The following RBFOX1 variants were observed in gnomAD, a reference collection of about 807,000 sequenced individuals.
The protein encoded by RBFOX1 is RNA binding fox-1 homolog 1, also known as RNA binding protein fox-1 homolog 1.
Under a neutral mutation model 57.7 loss-of-function variants are expected in RBFOX1, and 8 were observed. The observed-to-expected ratio is 0.14, with a 90% CI of 0.08 to 0.25. The LOEUF (loss-of-function observed/expected upper bound fraction) is 0.25, where lower values mean the gene tolerates loss of function less well. Among genes scored for constraint, RBFOX1 ranks in the 10% least tolerant of loss-of-function variants. The pLI is 1.00. For missense variants in RBFOX1, 611 were observed against 548.5 expected (o/e 1.11, Z -1.14); for synonymous variants, 326 against 222.4 (o/e 1.47, Z -4.15).
At chr16:7,043,844 A>G (rs1032754493) in intron 3 of RBFOX1, among the ~76,000 whole-genome samples, 1 of 152,086 alleles carries the variant, frequency 6.6e-6, no homozygotes, top group Non-Finnish European at 1.5e-5. Context: ...CCATAATCTC[A>G]CTGAGCTTTC....
At chr16:6,818,391 A>G (rs1203667743) in intron 3 of RBFOX1, among the ~76,000 whole-genome samples, 1 of 152,166 alleles carries the variant, frequency 6.6e-6, no homozygotes, top group African/African-American at 2.4e-5. Context: ...AGTTTAGAAG[A>G]AATGAACTTC....
intron 2 of RBFOX1, among the ~76,000 whole-genome samples, chr16:6,524,274 C>G (rs1289265284): frequency 2.0e-5 from 3 of 152,162 alleles, no homozygotes; most frequent in Non-Finnish European, 4.4e-5. Flanking sequence ...ACTTATTTCA[C>G]TTAACACAAT....
Position 7,516,202 on chromosome 16 carries a change from G to A in RBFOX1, c.28-1945G>A, listed in dbSNP as rs184026742. Among the ~76,000 whole-genome samples, 111 of 152,188 alleles carry A rather than the reference G, an allele frequency of 7.3e-4. 1 individual carries two copies. Among genetic ancestry groups the A allele is most frequent in the East Asian group, 2.1e-3 (11 of 5,178 alleles). The stretch of plus-strand genomic sequence containing the variant: ...GATGTTTTTACAGCTGCCCATCACC[G>A]TGGAAAGAGAACTTCTTCCCCAAAA... On this transcript the variant is annotated intron_variant, in intron 4 of 15. Coordinates refer to ENST00000550418, the MANE Select transcript of RBFOX1 (RefSeq NM_018723.4).
intron 4 of RBFOX1, among the ~76,000 whole-genome samples, chr16:7,113,195 C>G (rs767458945): frequency 3.3e-5 from 5 of 152,144 alleles, no homozygotes; most frequent in African/African-American, 9.7e-5. Context: ...ATACATTGAG[C>G]TTTCTGAGGA....
intron 4 of RBFOX1, among the ~76,000 whole-genome samples, chr16:5,928,857 C>G (rs1057313206): frequency 6.6e-6 from 1 of 151,914 alleles, no homozygotes; most frequent in Non-Finnish European, 1.5e-5. Flanking sequence ...TTTTCAATTA[C>G]AAAAGCCTGT....
chr16:5,911,575 C>T (rs2058602947), intron 4 of RBFOX1, among the ~76,000 whole-genome samples: 1 of 152,204 alleles, frequency 6.6e-6, no homozygotes, highest in Non-Finnish European at 1.5e-5. Flanking sequence ...AATCCCATTT[C>T]TAGCTTCTGA....
At chr16:5,537,038 C>T (rs2044727957) in intron 2 of RBFOX1, among the ~76,000 whole-genome samples, 1 of 152,190 alleles carries the variant, frequency 6.6e-6, no homozygotes, top group African/African-American at 2.4e-5. Flanking sequence ...ACAGGTTTCC[C>T]ACTTCCTTTT....
chr16:6,451,771 C>A (rs1186485100), intron 2 of RBFOX1, among the ~76,000 whole-genome samples: 1 of 152,174 alleles, frequency 6.6e-6, no homozygotes, highest in Non-Finnish European at 1.5e-5. Context: ...ACTTTTGGCC[C>A]TGTGCTGCTC....
chr16:6,659,931 C>A (rs1412959693), intron 3 of RBFOX1, among the ~76,000 whole-genome samples: 2 of 152,024 alleles, frequency 1.3e-5, no homozygotes, highest in Non-Finnish European at 2.9e-5. Flanking sequence ...GAAATTATTG[C>A]TTAAAGAGTA....
chr16:7,296,022 G>T (rs1420356512), intron 4 of RBFOX1, among the ~76,000 whole-genome samples: 1 of 151,814 alleles, frequency 6.6e-6, no homozygotes, highest in African/African-American at 2.4e-5. Flanking sequence ...TAGTCTCCTC[G>T]TGATAGCTAA....
At chr16:6,077,700 A>ATTTG (rs1294945323) in intron 1 of RBFOX1, among the ~76,000 whole-genome samples, 34 of 150,962 alleles carry the variant, frequency 2.3e-4, no homozygotes, top group Admixed American at 2.2e-3. Context: ...TTATTTATTT[A>ATTTG]TTTATTTATT....
intron 4 of RBFOX1, among the ~76,000 whole-genome samples, chr16:7,405,583 A>G (rs1316071017): frequency 6.6e-6 from 1 of 152,160 alleles, no homozygotes; most frequent in East Asian, 1.9e-4. Flanking sequence ...CACATTTCAA[A>G]TAAACACATT....
chr16:6,488,634 T>C (rs951069459), intron 2 of RBFOX1, among the ~76,000 whole-genome samples: 3 of 152,206 alleles, frequency 2.0e-5, no homozygotes, highest in Admixed American at 1.3e-4. Context: ...AGTTTATTAA[T>C]CTGAGTTTAG....
At position 7,231,768 on chromosome 16, in the gene RBFOX1, A is replaced by G. The variant is rs533737531; in HGVS notation, c.27+179670A>G. 3.9e-5 allele frequency among the ~76,000 whole-genome samples: 6 copies of G among 152,346 alleles called. No homozygotes were observed. In the South Asian group the frequency reaches 8.3e-4, roughly 21 times the overall value. On this transcript the variant is annotated intron_variant, in intron 4 of 15. Transcript: ENST00000550418. ...CATGCTACAACGTGGATGGACCTCAAAAACACTGTGGTAAGTAAAAGAACC... is the reference window on the plus strand; with the variant it reads ...CATGCTACAACGTGGATGGACCTCAGAAACACTGTGGTAAGTAAAAGAACC...
At chr16:5,717,716 A>G (rs531961239) in intron 3 of RBFOX1, among the ~76,000 whole-genome samples, 24 of 152,304 alleles carry the variant, frequency 1.6e-4, no homozygotes, top group African/African-American at 5.3e-4. Context: ...ACTCTCTCTA[A>G]TAATTGGGAG....
At chr16:5,617,884 T>C (rs1354146416) in intron 3 of RBFOX1, among the ~76,000 whole-genome samples, 1 of 152,172 alleles carries the variant, frequency 6.6e-6, no homozygotes, top group African/African-American at 2.4e-5. Context: ...ATCTGTGACA[T>C]TATGAAAGGT....
At chr16:7,345,713 A>G (rs1187632274) in intron 4 of RBFOX1, among the ~76,000 whole-genome samples, 1 of 152,222 alleles carries the variant, frequency 6.6e-6, no homozygotes, top group Non-Finnish European at 1.5e-5. Flanking sequence ...GCCTTTCATT[A>G]CTGAGGATAA....
chr16:6,012,728 G>C (rs375575331), intron 4 of RBFOX1, among the ~76,000 whole-genome samples: 1 of 152,192 alleles, frequency 6.6e-6, no homozygotes, highest in Non-Finnish European at 1.5e-5. Context: ...GATGTTACTG[G>C]TCCTTTATTC....
At chr16:5,730,634 A>T (rs1041345220) in intron 3 of RBFOX1, among the ~76,000 whole-genome samples, 3 of 152,138 alleles carry the variant, frequency 2.0e-5, no homozygotes, top group Admixed American at 1.3e-4. Flanking sequence ...CACCATCATC[A>T]TCACTACCAC....
Sources: gnomAD v4.1 joint callset for allele counts (sites outside exome capture counted in the v4.1 genomes callset) on GRCh38, gnomAD v4.1.1 for gene constraint, MANE v1.5 for transcripts, NCBI Gene and HGNC (gene_info 2026-07-23, HGNC 2026-07-21) for gene names.